The following PRR5L variants were observed in gnomAD, a reference collection of about 807,000 sequenced individuals.
The protein encoded by PRR5L is proline-rich protein 5-like.
Under a neutral mutation model 36.4 loss-of-function variants are expected in PRR5L, and 21 were observed. That is an observed-to-expected ratio of 0.58 (90% CI 0.41 to 0.83). PRR5L has a LOEUF of 0.83. PRR5L is among the 40% of genes least tolerant of loss of function. The probability of loss-of-function intolerance (pLI) is 0.00; values close to 1 mark genes in which losing one functional copy is unlikely to be tolerated. For missense variants in PRR5L, 381 were observed against 473.3 expected (o/e 0.80, Z 1.81); for synonymous variants, 188 against 197.0 (o/e 0.95, Z 0.38).
At chr11:36,455,058 C>G (rs1191532598) in intron 8 of PRR5L, among the ~76,000 whole-genome samples, 4 of 152,230 alleles carry the variant, frequency 2.6e-5, no homozygotes, top group Non-Finnish European at 5.9e-5. Context: ...CAGCAGCACG[C>G]TCGACTTCTC....
At chr11:36,313,877 C>A (rs1856529010) in intron 1 of PRR5L, among the ~76,000 whole-genome samples, 1 of 152,170 alleles carries the variant, frequency 6.6e-6, no homozygotes, top group Admixed American at 6.5e-5. Flanking sequence ...CTCTAGGCAG[C>A]ATGCACTGGG....
chr11:36,437,149 T>G (rs1858621640), intron 5 of PRR5L, among the ~76,000 whole-genome samples: 1 of 152,188 alleles, frequency 6.6e-6, no homozygotes, highest in South Asian at 2.1e-4. Context: ...GATCAATACG[T>G]GCACCCTTGT....
chr11:36,413,760 G>A (rs942169094), intron 3 of PRR5L, among the ~76,000 whole-genome samples: 1 of 149,522 alleles, frequency 6.7e-6, no homozygotes, highest in African/African-American at 2.5e-5. Flanking sequence ...TGTGCACAAT[G>A]TGCAGGTTAG....
intron 3 of PRR5L, among the ~76,000 whole-genome samples, chr11:36,418,299 G>C (rs1003205697): frequency 5.9e-5 from 9 of 152,138 alleles, no homozygotes; most frequent in Admixed American, 1.3e-4. Flanking sequence ...TTGGGCATGG[G>C]TTGTAAGACC....
At chr11:36,457,900 C>T (rs749819306) in intron 8 of PRR5L, among the ~76,000 whole-genome samples, 1 of 152,192 alleles carries the variant, frequency 6.6e-6, no homozygotes, top group Non-Finnish European at 1.5e-5. Context: ...GAATTGTTCT[C>T]AAGGGCATTT....
At chr11:36,348,654 C>A (rs773821058) in intron 1 of PRR5L, among the ~76,000 whole-genome samples, 1 of 152,164 alleles carries the variant, frequency 6.6e-6, no homozygotes, top group Non-Finnish European at 1.5e-5. Context: ...CTTTGTCTTA[C>A]ATATTTTCAT....
chr11:36,311,027 A>G (rs1433375914), intron 1 of PRR5L, among the ~76,000 whole-genome samples: 1 of 144,692 alleles, frequency 6.9e-6, no homozygotes, highest in East Asian at 2.0e-4. Context: ...GAATGTTCCC[A>G]GGAATATCAG....
intron 1 of PRR5L, among the ~76,000 whole-genome samples, chr11:36,304,536 G>C (rs1856409625): frequency 6.6e-6 from 1 of 152,188 alleles, no homozygotes; most frequent in African/African-American, 2.4e-5. Context: ...AGCTCATTCT[G>C]TGTCAGCATG....
chr11:36,336,669 A>G (rs918202519), intron 1 of PRR5L, among the ~76,000 whole-genome samples: 1 of 151,918 alleles, frequency 6.6e-6, no homozygotes, highest in Non-Finnish European at 1.5e-5. Flanking sequence ...TGAATAAATA[A>G]ACGTCATTCT....
At chr11:36,352,458 T>G (rs1856985446) in intron 1 of PRR5L, among the ~76,000 whole-genome samples, 1 of 152,208 alleles carries the variant, frequency 6.6e-6, no homozygotes, top group Admixed American at 6.5e-5. Context: ...GAGTCCCATC[T>G]ATTTATCTTT....
In PRR5L at chr11:36,344,763, A is replaced by T. The variant is rs1856848119; in HGVS notation, c.-126+48325A>T. ...ATCAAGATAAATGAAAACCATGAGG[A>T]TTCTGACTGAGAATGAACTGACCAG... is the stretch of plus-strand genomic sequence containing the variant. On this transcript the variant is annotated intron_variant, in intron 1 of 8. Coordinates refer to ENST00000530639, the MANE Select transcript of PRR5L (RefSeq NM_001160167.2). The surrounding 1 kb of genome is among the most constrained non-coding windows in gnomAD (Gnocchi z 4.1). Among the ~76,000 whole-genome samples, 1 of 152,216 alleles carries T rather than the reference A, an allele frequency of 6.6e-6. No homozygotes were observed. The highest frequency in any genetic ancestry group is 2.1e-4 in the South Asian group (1 of 4,832).
At chr11:36,378,021 C>G (rs1241808371) in intron 1 of PRR5L, among the ~76,000 whole-genome samples, 5 of 152,194 alleles carry the variant, frequency 3.3e-5, no homozygotes, top group Non-Finnish European at 7.3e-5. Flanking sequence ...CCTTGCTGAT[C>G]AAGCCCGGGA....
rs149236175 is a variant in PRR5L at position 36,300,543 on chromosome 11, A to G, written c.-126+4105A>G. On this transcript the variant is annotated intron_variant, in intron 1 of 8. Coordinates refer to ENST00000530639, the MANE Select transcript of PRR5L (RefSeq NM_001160167.2). ...ATTCAAACTATATCAGCAATATTGC[A>G]TTCTGAGAATTTTATTCAAGGCAGA... Among the ~76,000 whole-genome samples the G allele has an allele frequency of 2.1e-3, 323 of 150,410 alleles. 1 individual carries two copies. The highest frequency in any genetic ancestry group is 3.1e-3 in the Non-Finnish European group (211 of 67,294).
At chr11:36,410,493 A>G (rs1858001668) in intron 3 of PRR5L, among the ~76,000 whole-genome samples, 2 of 152,208 alleles carry the variant, frequency 1.3e-5, no homozygotes, top group Non-Finnish European at 2.9e-5. Flanking sequence ...GGCCCCTGGC[A>G]AAGCTCTGAG....
At position 36,377,517 on chromosome 11, in the gene PRR5L, G is replaced by C. The variant is rs955010881; in HGVS notation, c.-125-23480G>C. 1 of 152,324 alleles carries C rather than the reference G, an allele frequency of 6.6e-6. No individual in the cohort carries two copies. The highest frequency in any genetic ancestry group is 1.5e-5 in the Non-Finnish European group (1 of 68,154). 9.4% of individuals were successfully genotyped at this position (152,324 alleles called of 1,614,324 possible). A position where few individuals can be genotyped will look rare whatever the true frequency, so the allele number is the denominator to read the frequency against. Reference sequence around the variant, plus strand: ...TGGGACCCTGCCTGCCCAACCCTCCGGCCCATTTTCCTTGAGGCCGCCGCC... The same window carrying C: ...TGGGACCCTGCCTGCCCAACCCTCCCGCCCATTTTCCTTGAGGCCGCCGCC... On this transcript the variant is annotated intron_variant, in intron 1 of 8. Coordinates refer to ENST00000530639, the MANE Select transcript of PRR5L (RefSeq NM_001160167.2). This position sits in a 1 kb window ranked among gnomAD's most constrained non-coding sequence, Gnocchi z 5.1.
At chr11:36,427,742 A>C (rs1436994858) in intron 4 of PRR5L, among the ~76,000 whole-genome samples, 1 of 152,166 alleles carries the variant, frequency 6.6e-6, no homozygotes, top group African/African-American at 2.4e-5. Context: ...CCAGTGCAGA[A>C]GGAACATGTG....
intron 1 of PRR5L, among the ~76,000 whole-genome samples, chr11:36,317,477 A>G (rs1856569424): frequency 1.3e-5 from 2 of 152,208 alleles, no homozygotes; most frequent in African/African-American, 4.8e-5. Context: ...TGGACAATTT[A>G]AGGAAGGTTC....
chr11:36,436,774 G>A (rs975832346), intron 5 of PRR5L, among the ~76,000 whole-genome samples: 1 of 152,128 alleles, frequency 6.6e-6, no homozygotes, highest in Non-Finnish European at 1.5e-5. Context: ...GTGACTTTGG[G>A]GCAGTTAGTT....
chr11:36,304,604 C>A lies in PRR5L; in HGVS notation c.-126+8166C>A, dbSNP rs142297131. Among the ~76,000 whole-genome samples the A allele has an allele frequency of 4.5e-4, 68 of 152,328 alleles. 1 individual carries two copies. In the East Asian group the frequency reaches 0.012, roughly 27 times the overall value. ...AATGGTTCTCTGCAGGGATAAACCC[C>A]TGCTAGTAAACATACAGTTATAATT... On this transcript the variant is annotated intron_variant, in intron 1 of 8. Transcript: ENST00000530639.
Sources: gnomAD v4.1 joint callset for allele counts (sites outside exome capture counted in the v4.1 genomes callset) on GRCh38, gnomAD v4.1.1 for gene constraint, Gnocchi (gnomAD v3.1) non-coding constraint, MANE v1.5 for transcripts, NCBI Gene and HGNC (gene_info 2026-07-23, HGNC 2026-07-21) for gene names.